The following FHOD3 variants were observed in gnomAD, a reference collection of about 807,000 sequenced individuals.
FHOD3 encodes formin homology 2 domain containing 3.
A neutral mutation model predicts 173.0 loss-of-function variants in FHOD3; 90 were observed. That is an observed-to-expected ratio of 0.52 (90% CI 0.44 to 0.62). The LOEUF is 0.62. Ranked by LOEUF, FHOD3 falls within the 20% of genes least tolerant of loss-of-function variation. The pLI is 0.00. For synonymous variants in FHOD3, 828 were observed against 823.0 expected, an observed-to-expected ratio of 1.01 and a Z score of -0.10; for missense variants, 1,945 against 2,034.7, an observed-to-expected ratio of 0.96 and a Z score of 0.85.
chr18:36,549,532 CTTTT>C (rs386387404), intron 5 of FHOD3, among the ~76,000 whole-genome samples: 1 of 71,218 alleles, frequency 1.4e-5, no homozygotes, highest in Non-Finnish European at 2.5e-5. Context: ...TCTAAGAAAT[CTTTT>C]TTTTTTTTTT....
chr18:36,596,823 G>A (rs896652844), intron 7 of FHOD3, among the ~76,000 whole-genome samples: 1 of 152,136 alleles, frequency 6.6e-6, no homozygotes, highest in East Asian at 1.9e-4. Flanking sequence ...TAGGTAGAAA[G>A]ACCCTTATGG....
rs73433548 is a variant in FHOD3 at position 36,645,520 on chromosome 18, G to C, written c.1197-3796G>C. 5.9e-3 allele frequency among the ~76,000 whole-genome samples: 900 copies of C among 152,202 alleles called. 4 individuals carry two copies. Among genetic ancestry groups the C allele is most frequent in the African/African-American group, 0.02 (813 of 41,530 alleles). On this transcript the variant is annotated intron_variant, in intron 10 of 28. Coordinates refer to ENST00000590592, the MANE Select transcript of FHOD3 (RefSeq NM_001281740.3). ...CTCACTGCTCTCCTTGTTTCTGCTA[G>C]AGGCACCCCGAGTCCAGATCCATCT...
chr18:36,604,043 G>C (rs576627948), intron 8 of FHOD3, among the ~76,000 whole-genome samples: 1 of 152,124 alleles, frequency 6.6e-6, no homozygotes, highest in African/African-American at 2.4e-5. Flanking sequence ...CCACCTTGTA[G>C]GGCAGTCTTG....
intron 11 of FHOD3, 28 bp from the exon 12 acceptor site, chr18:36,652,542 T>C (rs2036132231): frequency 2.0e-6 from 3 of 1,502,932 alleles, no homozygotes; most frequent in Non-Finnish European, 1.8e-6. Flanking sequence ...TTTTTTCTTC[T>C]TCCTCCTCCT....
chr18:36,603,350 G>A (rs2031651171), intron 8 of FHOD3, among the ~76,000 whole-genome samples: 1 of 152,070 alleles, frequency 6.6e-6, no homozygotes, highest in African/African-American at 2.4e-5. Context: ...CACGTGGAGT[G>A]GATGCGTGCA....
chr18:36,455,657 A>G (rs2052156160), intron 3 of FHOD3, among the ~76,000 whole-genome samples: 2 of 151,602 alleles, frequency 1.3e-5, no homozygotes, highest in South Asian at 4.2e-4. Context: ...TTTTTCAAAA[A>G]AAATAGTTAA....
At chr18:36,639,687 G>A (rs894760311) in intron 10 of FHOD3, among the ~76,000 whole-genome samples, 8 of 151,330 alleles carry the variant, frequency 5.3e-5, no homozygotes, top group Non-Finnish European at 1.2e-4. Flanking sequence ...GCTGGGCGTG[G>A]TGGTGGGCGC....
intron 5 of FHOD3, among the ~76,000 whole-genome samples, chr18:36,518,766 T>C (rs1454757372): frequency 6.6e-6 from 1 of 152,204 alleles, no homozygotes; most frequent in Non-Finnish European, 1.5e-5. Context: ...AAGTGGCCCT[T>C]GAAGCAGAAA....
At chr18:36,481,198 C>CT (rs2053874240) in intron 3 of FHOD3, among the ~76,000 whole-genome samples, 1 of 151,834 alleles carries the variant, frequency 6.6e-6, no homozygotes, top group Non-Finnish European at 1.5e-5. Context: ...GTCATTGTTG[C>CT]TTTCTGTGTT....
Position 36,713,821 on chromosome 18 carries a change from C to G in FHOD3, c.2534-4011C>G, listed in dbSNP as rs55801243. ...AAGTAAAAAAAAGTATTCAAGTAAC[C>G]CATAGAAGACAAAGGAGAAACAGGA... On this transcript the variant is annotated intron_variant, in intron 18 of 28. Transcript: ENST00000590592. 3.0e-3 allele frequency among the ~76,000 whole-genome samples: 455 copies of G among 151,840 alleles called. 3 individuals carry two copies. Among genetic ancestry groups the G allele is most frequent in the African/African-American group, 0.01 (430 of 41,404 alleles).
chr18:36,564,724 G>A (rs1385308449), intron 5 of FHOD3, among the ~76,000 whole-genome samples: 1 of 152,104 alleles, frequency 6.6e-6, no homozygotes, highest in East Asian at 1.9e-4. Flanking sequence ...TGGGGAGGAG[G>A]GAGGGGAGAC....
chr18:36,671,880 C>T (rs1367172598), intron 14 of FHOD3, among the ~76,000 whole-genome samples: 11 of 152,164 alleles, frequency 7.2e-5, no homozygotes, highest in African/African-American at 2.7e-4. Context: ...ATTCACAAAA[C>T]AGTGAAGGAA....
intron 6 of FHOD3, among the ~76,000 whole-genome samples, chr18:36,590,128 C>A (rs894793577): frequency 5.9e-5 from 9 of 152,192 alleles, no homozygotes; most frequent in African/African-American, 1.7e-4. Context: ...ATTATCCTCC[C>A]CGATTTGCCT....
At chr18:36,472,601 G>C (rs1294862664) in intron 3 of FHOD3, among the ~76,000 whole-genome samples, 1 of 152,144 alleles carries the variant, frequency 6.6e-6, no homozygotes, top group Non-Finnish European at 1.5e-5. Context: ...GGTAGCCACT[G>C]ATCTACTTCT....
chr18:36,475,029 ACACACT>A (rs776641380), intron 3 of FHOD3, among the ~76,000 whole-genome samples: 8,027 of 54,538 alleles, frequency 0.15, 312 homozygotes, highest in Middle Eastern at 0.18. Flanking sequence ...ACACACACAC[ACACACT>A]CTGCAAAATT....
intron 3 of FHOD3, among the ~76,000 whole-genome samples, chr18:36,423,057 G>C (rs1234065172): frequency 1.3e-5 from 2 of 152,034 alleles, no homozygotes; most frequent in South Asian, 4.2e-4. Flanking sequence ...CTGGAGCTCT[G>C]CTTCCTGGAG....
intron 3 of FHOD3, among the ~76,000 whole-genome samples, chr18:36,428,234 A>C (rs1428544351): frequency 6.6e-6 from 1 of 152,170 alleles, no homozygotes; most frequent in Non-Finnish European, 1.5e-5. Context: ...CCCCAAGCAG[A>C]TGATAAATTC....
chr18:36,515,785 C>G (rs1050298292), intron 5 of FHOD3, among the ~76,000 whole-genome samples: 6 of 152,190 alleles, frequency 3.9e-5, no homozygotes, highest in Non-Finnish European at 8.8e-5. Flanking sequence ...CTAATAGTGT[C>G]CCTTTACTGG....
chr18:36,627,926 T>C (rs115230881), intron 10 of FHOD3, among the ~76,000 whole-genome samples: 3,904 of 152,290 alleles, frequency 0.026, 180 homozygotes, highest in African/African-American at 0.09. Context: ...TGTACATATA[T>C]GCACATTGCT....
Sources: gnomAD v4.1 joint callset for allele counts (sites outside exome capture counted in the v4.1 genomes callset) on GRCh38, gnomAD v4.1.1 for gene constraint, MANE v1.5 for transcripts, NCBI Gene and HGNC (gene_info 2026-07-23, HGNC 2026-07-21) for gene names.